The following EIF3B variants were observed in gnomAD, a reference collection of about 807,000 sequenced individuals.
EIF3B encodes the protein eukaryotic translation initiation factor 3 subunit 9.
A neutral mutation model predicts 104.6 loss-of-function variants in EIF3B; 10 were observed. The ratio of observed to expected loss-of-function variants is 0.10; its 90% CI spans 0.06 to 0.16. EIF3B has a LOEUF of 0.16. EIF3B is among the 10% of genes least tolerant of loss of function. The pLI is 1.00. For synonymous variants in EIF3B, 542 were observed against 417.2 expected (o/e 1.30, Z -3.65); for missense variants, 1,014 against 1,087.9 (o/e 0.93, Z 0.96).
At chr7:2,361,363 G>A (rs1165158939) in intron 2 of EIF3B, among the ~76,000 whole-genome samples, 3 of 152,188 alleles carry the variant, frequency 2.0e-5, no homozygotes, top group African/African-American at 7.2e-5. Context: ...TCAGTTGAAG[G>A]ATGGCCTCTT....
intron 1 of EIF3B, among the ~76,000 whole-genome samples, chr7:2,357,907 G>A (rs1349045702): frequency 6.6e-6 from 1 of 152,152 alleles, no homozygotes; most frequent in African/African-American, 2.4e-5. Flanking sequence ...GATCAGGCTT[G>A]TCAGGCTATT....
chr7:2,380,510 C>G lies in EIF3B; in HGVS notation c.*321C>G, dbSNP rs1401586076. The G allele has an allele frequency of 2.2e-6, 1 of 454,944 alleles. No homozygotes were observed. Among genetic ancestry groups the G allele is most frequent in the African/African-American group, 2.0e-5 (1 of 50,296 alleles). 28.2% of individuals were successfully genotyped at this position (454,944 alleles called of 1,614,324 possible). On this transcript the variant is annotated 3_prime_UTR_variant, in exon 19 of 19. Coordinates refer to ENST00000360876, the MANE Select transcript of EIF3B (RefSeq NM_001037283.2). ...GAACCGCCGGCGTTGGCTCCGAAGA[C>G]TTAGCGACGCCACTGGCGGCACCTT...
In EIF3B at chr7:2,366,419, T is replaced by C. The variant is rs1162691634; in HGVS notation, c.1260T>C (p.Cys420=). ...LTGHKKRGFH[C]ESSAHWPIFK... ...GGCACAAGAAGAGGGGTTTTCACTG[T>C]GAGAGCTCAGCCCATTGGCCTATTT... is the stretch of plus-strand genomic sequence containing the variant. Residue 420 remains cysteine, a synonymous_variant, in exon 7 of 19, where the codon TGT becomes TGC. Coordinates refer to ENST00000360876, the MANE Select transcript of EIF3B (RefSeq NM_001037283.2). The C allele has an allele frequency of 6.2e-7, 1 of 1,614,134 alleles. No individual in the cohort carries two copies. Among genetic ancestry groups the C allele is most frequent in the East Asian group, 2.2e-5 (1 of 44,890 alleles).
At chr7:2,364,296 G>C in intron 5 of EIF3B, 76 bp from the exon 6 acceptor site, 1 of 1,336,782 alleles carries the variant, frequency 7.5e-7, no homozygotes, top group Non-Finnish European at 1.0e-6. Flanking sequence ...ATTCATTGTA[G>C]GATAAATTCA....
Position 2,375,560 on chromosome 7 carries a change from G to A in EIF3B, c.2028+33G>A, listed in dbSNP as rs1446584461. ...CCTGTGGGGCATAGTTTTGACTGTG[G>A]ATAGAAGCAGGGAGTGCTGGCTAGC... On this transcript the variant is annotated intron_variant, in intron 14 of 18. Transcript: ENST00000360876. The A allele has an allele frequency of 8.1e-6, 13 of 1,613,342 alleles. 1 individual carries two copies. The South Asian group carries it at 1.1e-4, about 14-fold the overall frequency.
intron 1 of EIF3B, 99 bp from the exon 2 acceptor site, chr7:2,360,611 A>G (rs1388255155): frequency 1.2e-5 from 12 of 1,000,048 alleles, no homozygotes; most frequent in African/African-American, 1.6e-5. Context: ...CATTTAGACA[A>G]TTCATTGTCT....
In EIF3B at chr7:2,364,385, C is replaced by T. The variant is rs375551545; in HGVS notation, c.1013C>T (p.Thr338Met). The change falls in exon 6 of 19, where the codon ACG becomes ATG. Residue 338 changes from threonine to methionine, a missense_variant. Physicochemically the swap from Thr to Met is moderately conservative, Grantham distance 81. Around this residue, in one of 4 missense-constraint regions of EIF3B, gnomAD observed 201 missense variants for 240.7 expected, o/e 0.83. Transcript: ENST00000360876. ...CTTTTTCTGCAGAGATGGACAGAGA[C>T]GTATGTGCGTTGGTCTCCTAAGGGC... ...SIEERARWTE[T>M]YVRWSPKGTY... 4 of 1,604,640 alleles carry T rather than the reference C, an allele frequency of 2.5e-6. No homozygotes were observed. Among genetic ancestry groups the T allele is most frequent in the South Asian group, 2.3e-5 (2 of 88,170 alleles).
rs1296455398 is a variant in EIF3B, at chr7:2,364,394, G to T, written c.1022G>T (p.Arg341Leu). 5.6e-6 allele frequency: 9 copies of T among 1,608,550 alleles called. No homozygotes were observed. Among genetic ancestry groups the T allele is most frequent in the Non-Finnish European group, 7.6e-6 (9 of 1,178,238 alleles). The change falls in exon 6 of 19, where the codon CGT (arginine) becomes CTT (leucine). Residue 341 changes from arginine to leucine, a missense_variant. Physicochemically the swap from Arg to Leu is moderately radical, Grantham distance 102. Around this residue, in one of 4 missense-constraint regions of EIF3B, gnomAD observed 201 missense variants for 240.7 expected, o/e 0.83. Coordinates refer to ENST00000360876, the MANE Select transcript of EIF3B (RefSeq NM_001037283.2). ...ERARWTETYV[R>L]WSPKGTYLAT... ...CAGAGATGGACAGAGACGTATGTGC[G>T]TTGGTCTCCTAAGGGCACCTACCTG...
intron 18 of EIF3B, 171 bp from the exon 19 acceptor site, chr7:2,380,033 T>C: frequency 3.8e-6 from 1 of 265,780 alleles, no homozygotes; most frequent in Non-Finnish European, 7.5e-6. Context: ...GCCTGGTTGC[T>C]GTCCCCCCAG....
At chr7:2,362,612 G>T in intron 2 of EIF3B, 33 bp from the exon 3 acceptor site, 3 of 1,613,694 alleles carry the variant, frequency 1.9e-6, no homozygotes, top group Non-Finnish European at 2.5e-6. Flanking sequence ...GCCTTACAGT[G>T]TGGGTATGTG....
intron 1 of EIF3B, among the ~76,000 whole-genome samples, chr7:2,357,369 T>C (rs1779504584): frequency 6.6e-6 from 1 of 152,186 alleles, no homozygotes; most frequent in South Asian, 2.1e-4. Context: ...GTCATGGCCC[T>C]CCTGGTTGTG....
chr7:2,373,743 C>G (rs1430531886), intron 12 of EIF3B: 1 of 151,126 alleles, frequency 6.6e-6, no homozygotes, highest in African/African-American at 2.5e-5. Context: ...GCACCTTGTA[C>G]CTTCCAAACA....
At chr7:2,372,490 A>G (rs1354995759) in intron 11 of EIF3B, among the ~76,000 whole-genome samples, 183 bp from the exon 12 acceptor site, 1 of 152,176 alleles carries the variant, frequency 6.6e-6, no homozygotes, top group East Asian at 1.9e-4. Flanking sequence ...AAGTGGAAGC[A>G]GCTGTCTCTG....
chr7:2,379,835 C>T (rs972212942), intron 18 of EIF3B: 4 of 339,092 alleles, frequency 1.2e-5, no homozygotes, highest in South Asian at 2.8e-5. Flanking sequence ...GTGACGGCCG[C>T]GGTGTGTCCA....
Position 2,377,093 on chromosome 7 carries a change from C to G in EIF3B, c.2154+18C>G. On this transcript the variant is annotated intron_variant, in intron 15 of 18. Transcript: ENST00000360876. ...AGATCAAGGTCAGCATGCCCCCACC[C>G]CCGGGTGCAGGGCACATGGAGGCAA... 1.3e-6 allele frequency: 2 copies of G among 1,597,258 alleles called. No individual in the cohort carries two copies. The highest frequency in any genetic ancestry group is 1.3e-5 in the African/African-American group (1 of 74,810).
At chr7:2,364,954 A>G (rs1779925777) in intron 6 of EIF3B, among the ~76,000 whole-genome samples, 1 of 152,210 alleles carries the variant, frequency 6.6e-6, no homozygotes, top group African/African-American at 2.4e-5. Flanking sequence ...AAGGTCACGT[A>G]TTTTACAGAT....
At chr7:2,363,433 A>G (rs1214342568) in intron 4 of EIF3B, among the ~76,000 whole-genome samples, 199 bp from the exon 5 acceptor site, 6 of 151,976 alleles carry the variant, frequency 3.9e-5, no homozygotes, top group East Asian at 1.9e-4. Context: ...TGATTGTGCC[A>G]CTGGACTCCA....
At chr7:2,380,180 G>T in intron 18 of EIF3B, 24 bp from the exon 19 acceptor site, 1 of 351,642 alleles carries the variant, frequency 2.8e-6, no homozygotes, top group East Asian at 8.2e-5. Flanking sequence ...GTGCCGTTTA[G>T]GGCCGCCATG....
At position 2,380,676 on chromosome 7, in the gene EIF3B, C is replaced by G. The variant is rs1438337545; in HGVS notation, c.*487C>G. ...AGGGCGCCGCCATGCCTTGTACCCC[C>G]ACCGTGCAGGTTGTGGCCGGTTTTC... On this transcript the variant is annotated 3_prime_UTR_variant, in exon 19 of 19. Transcript: ENST00000360876. 1 of 198,722 alleles carries G rather than the reference C, an allele frequency of 5.0e-6. No homozygotes were observed. Among genetic ancestry groups the G allele is most frequent in the African/African-American group, 2.4e-5 (1 of 42,386 alleles). The allele number at this position is 198,722 out of a possible 1,614,324, so 12.3% of individuals were successfully genotyped here. A position where few individuals can be genotyped will look rare whatever the true frequency, so the allele number is the denominator to read the frequency against.
Sources: allele counts gnomAD v4.1 joint callset (sites outside exome capture counted in the v4.1 genomes callset), GRCh38; gene constraint gnomAD v4.1.1; regional missense constraint gnomAD v4.1.1; transcripts MANE v1.5; gene names NCBI Gene and HGNC (gene_info 2026-07-23, HGNC 2026-07-21).